VPS8: variants seen among roughly 807,000 people sequenced by gnomAD.
The protein encoded by VPS8 is vacuolar protein sorting-associated protein 8 homolog.
VPS8 carries 129 observed loss-of-function variants against 216.4 expected under a neutral mutation model. The observed-to-expected ratio is 0.60, with a 90% confidence interval of 0.52 to 0.69. The LOEUF is 0.69. Among genes scored for constraint, VPS8 ranks in the 30% least tolerant of loss-of-function variants. The probability of loss-of-function intolerance (pLI) is 0.00; values close to 1 mark genes in which losing one functional copy is unlikely to be tolerated. For missense variants in VPS8, 1,531 were observed against 1,683.5 expected (o/e 0.91, Z 1.59); for synonymous variants, 571 against 565.4 (o/e 1.01, Z -0.14).
chr3:184,849,262 A>T (rs780075731), intron 9 of VPS8, 67 bp downstream of exon 9: 1 of 1,556,582 alleles, frequency 6.4e-7, no homozygotes, highest in Non-Finnish European at 8.7e-7. Context: ...AAAAACTTAC[A>T]TCTTAGATCA....
At chr3:185,029,562 T>G (rs1242247147) in intron 46 of VPS8, among the ~76,000 whole-genome samples, 4 of 151,840 alleles carry the variant, frequency 2.6e-5, no homozygotes, top group African/African-American at 7.3e-5. Flanking sequence ...TTCCACAACA[T>G]GTATCTTTTT....
intron 17 of VPS8, 86 bp downstream of exon 17, chr3:184,867,036 A>C: frequency 8.1e-7 from 1 of 1,232,648 alleles, no homozygotes; most frequent in South Asian, 1.4e-5. Flanking sequence ...AGGGCAGTAT[A>C]TTGCAAAGTG....
chr3:184,993,582 A>G lies in VPS8; in HGVS notation c.3586-401A>G, dbSNP rs551544198. Among the ~76,000 whole-genome samples the G allele has an allele frequency of 1.4e-4, 21 of 152,276 alleles. No individual in the cohort carries two copies. The South Asian group carries it at 1.5e-3, about 11-fold the overall frequency. On this transcript the variant is annotated intron_variant, in intron 42 of 47. Transcript: ENST00000625842. ...GCAATTGAGTTGGTTAGGGGCAGGA[A>G]GTGGCTAAATGGGATCACAGGAGGA...
At chr3:184,976,364 T>C (rs1749269755) in intron 40 of VPS8, among the ~76,000 whole-genome samples, 1 of 152,120 alleles carries the variant, frequency 6.6e-6, no homozygotes, top group Non-Finnish European at 1.5e-5. Context: ...CATCTTTTGA[T>C]TGGCAGCCTG....
intron 22 of VPS8, chr3:184,893,470 G>A (rs764036749): frequency 3.3e-5 from 22 of 663,830 alleles, no homozygotes; most frequent in Non-Finnish European, 4.2e-5. Flanking sequence ...ACAAAGAAGT[G>A]AATGATACAA....
Position 185,029,291 on chromosome 3 carries a change from G to A in VPS8, c.4056+4902G>A, listed in dbSNP as rs147971327. On this transcript the variant is annotated intron_variant, in intron 46 of 47. Coordinates refer to ENST00000625842, the MANE Select transcript of VPS8 (RefSeq NM_001009921.3). ...CAGAGTGACTGCCAAAGTGACATGT[G>A]TAGGAAACACAAAGGAAGCAGCAGT... Among the ~76,000 whole-genome samples, 135 of 152,304 alleles carry A rather than the reference G, an allele frequency of 8.9e-4. 1 individual carries two copies. Among genetic ancestry groups the A allele is most frequent in the Admixed American group, 2.2e-3 (34 of 15,288 alleles).
intron 40 of VPS8, among the ~76,000 whole-genome samples, chr3:184,979,146 A>G (rs1318697527): frequency 6.6e-6 from 1 of 151,848 alleles, no homozygotes; most frequent in Non-Finnish European, 1.5e-5. Flanking sequence ...TGTTTTTTTA[A>G]TGTTGTGGTC....
intron 1 of VPS8, among the ~76,000 whole-genome samples, chr3:184,813,529 C>T (rs1715631979): frequency 6.6e-6 from 1 of 152,070 alleles, no homozygotes; most frequent in South Asian, 2.1e-4. Context: ...GTATTGAATC[C>T]TCTGGCAATA....
rs747402102 is a variant in VPS8, at chr3:184,999,810, A to C, written c.3951A>C (p.Lys1317Asn). 10 of 1,612,358 alleles carry C rather than the reference A, an allele frequency of 6.2e-6. No individual in the cohort carries two copies. The East Asian group carries it at 2.0e-4, about 32-fold the overall frequency. ...YKCSSSNKVGKLSENSSEIKK... is the reference protein window; with the variant it reads ...YKCSSSNKVGNLSENSSEIKK... The stretch of plus-strand genomic sequence containing the variant: ...GCAGTTCAAGTAACAAAGTAGGAAA[A>C]CTCAGTGAAAATTCATCTGAAATTA... The change falls in exon 45 of 48, where the codon AAA becomes AAC. Residue 1317 changes from lysine to asparagine, a missense_variant. By Grantham distance (94) the Lys-to-Asn change is moderately conservative. Coordinates refer to ENST00000625842, the MANE Select transcript of VPS8 (RefSeq NM_001009921.3).
intron 46 of VPS8, among the ~76,000 whole-genome samples, chr3:185,046,591 C>G (rs560514490): frequency 6.6e-6 from 1 of 152,074 alleles, no homozygotes; most frequent in East Asian, 1.9e-4. Flanking sequence ...TGATTTCATC[C>G]CATTGTTCTT....
rs190397263 is a variant in VPS8 at position 184,995,955 on chromosome 3, A to G, written c.3667-377A>G. ...AGACTTAGCTGTATTCTTTATTACA[A>G]CACTCTGAGCCATTCAGAGAGCAGT... On this transcript the variant is annotated intron_variant, in intron 43 of 47. Coordinates refer to ENST00000625842, the MANE Select transcript of VPS8 (RefSeq NM_001009921.3). 1.5e-4 allele frequency among the ~76,000 whole-genome samples: 23 copies of G among 152,348 alleles called. No individual in the cohort carries two copies. The South Asian group carries it at 1.9e-3, about 12-fold the overall frequency.
chr3:185,046,946 G>C (rs16859515), intron 46 of VPS8, among the ~76,000 whole-genome samples: 42,009 of 152,090 alleles, frequency 0.28, 6,719 homozygotes, highest in East Asian at 0.63. Context: ...TTGATCAGCA[G>C]ATGATGACTC....
At chr3:184,989,942 A>G (rs1031744872) in intron 42 of VPS8, among the ~76,000 whole-genome samples, 4 of 152,026 alleles carry the variant, frequency 2.6e-5, no homozygotes, top group Non-Finnish European at 5.9e-5. Context: ...GCATGGTGGC[A>G]GGCACCTGTA....
rs375545410 is a variant in VPS8, at chr3:184,926,620, C to T, written c.2601C>T (p.Asp867=). The T allele has an allele frequency of 3.0e-5, 48 of 1,604,654 alleles. No individual in the cohort carries two copies. The African/African-American group carries it at 3.2e-4, about 11-fold the overall frequency. The change falls in exon 31 of 48, where the codon GAC becomes GAT. Residue 867 remains aspartate (D), a synonymous_variant. Coordinates refer to ENST00000625842, the MANE Select transcript of VPS8 (RefSeq NM_001009921.3). ...DQVLEFLCSP[D]DDSRHSERQQ... ...TCCTTGAATTCCTTTGTAGTCCTGA[C>T]GATGACTCCCGACACTCTGAAAGAC...
At chr3:184,848,980 T>C in intron 8 of VPS8, 91 bp from the exon 9 acceptor site, 15 of 1,393,208 alleles carry the variant, frequency 1.1e-5, no homozygotes, top group Non-Finnish European at 1.1e-5. Flanking sequence ...TTGATTCTTG[T>C]CACCTCCCAA....
intron 20 of VPS8, 124 bp downstream of exon 20, chr3:184,869,652 C>T (rs965674826): frequency 1.9e-5 from 17 of 891,040 alleles, no homozygotes; most frequent in Non-Finnish European, 2.9e-5. Context: ...AAAAAACACA[C>T]ACACACACAG....
At chr3:184,891,444 G>A (rs1314886045) in intron 22 of VPS8, among the ~76,000 whole-genome samples, 1 of 152,080 alleles carries the variant, frequency 6.6e-6, no homozygotes, top group Non-Finnish European at 1.5e-5. Flanking sequence ...TAAAAGTAAT[G>A]GCAAAAACTG....
intron 40 of VPS8, among the ~76,000 whole-genome samples, chr3:184,978,610 G>A (rs1372104106): frequency 6.6e-6 from 1 of 152,046 alleles, no homozygotes; most frequent in Non-Finnish European, 1.5e-5. Context: ...AGGTTGCTCA[G>A]GCTTGTCTCG....
At chr3:185,023,672 A>T (rs907184418) in intron 45 of VPS8, among the ~76,000 whole-genome samples, 2 of 152,016 alleles carry the variant, frequency 1.3e-5, no homozygotes, top group African/African-American at 4.8e-5. Context: ...AAATAAATAA[A>T]TAATTAAAAA....
Sources: allele counts gnomAD v4.1 joint callset (sites outside exome capture counted in the v4.1 genomes callset), GRCh38; gene constraint gnomAD v4.1.1; transcripts MANE v1.5; gene names NCBI Gene and HGNC (gene_info 2026-07-23, HGNC 2026-07-21).